Variants in NUP210 observed in about 807,000 individuals in gnomAD.
NUP210 encodes nucleoporin 210.
In NUP210, 151 loss-of-function variants were observed where a neutral mutation model predicts 196.0. The ratio of observed to expected loss-of-function variants is 0.77; its 90% CI spans 0.67 to 0.88. The LOEUF is 0.88. Ranked by LOEUF, NUP210 falls within the 40% of genes least tolerant of loss-of-function variation. The probability of loss-of-function intolerance (pLI) is 0.00; values close to 1 mark genes in which losing one functional copy is unlikely to be tolerated. For missense variants in NUP210, 2,314 were observed against 2,493.7 expected (o/e 0.93, Z 1.53); for synonymous variants, 1,070 against 1,052.7 (o/e 1.02, Z -0.32).
intron 11 of NUP210, among the ~76,000 whole-genome samples, chr3:13,374,486 G>A (rs903039793): frequency 1.2e-4 from 18 of 152,086 alleles, no homozygotes; most frequent in African/African-American, 4.1e-4. Context: ...TATCAGCTAG[G>A]GTCTGGCTAG....
intron 16 of NUP210, among the ~76,000 whole-genome samples, chr3:13,356,782 G>A (rs1004254536): frequency 3.9e-5 from 6 of 152,280 alleles, no homozygotes; most frequent in South Asian, 2.1e-4. Context: ...ATTTTCTGGC[G>A]ACATCTATGA....
chr3:13,322,616 G>T (rs977121598), intron 34 of NUP210, among the ~76,000 whole-genome samples: 1 of 152,246 alleles, frequency 6.6e-6, no homozygotes, highest in African/African-American at 2.4e-5. Flanking sequence ...CGGCAGACGG[G>T]CTAGGCCCAC....
Position 13,316,338 on chromosome 3 carries a change from C to T in NUP210, c.*1343G>A, listed in dbSNP as rs1016329303. 1.3e-5 allele frequency: 2 copies of T among 152,256 alleles called. No homozygotes were observed. Among genetic ancestry groups the T allele is most frequent in the Non-Finnish European group, 2.9e-5 (2 of 68,056 alleles). The allele number at this position is 152,256 out of a possible 1,614,324, so 9.4% of individuals were successfully genotyped here. A position where few individuals can be genotyped will look rare whatever the true frequency, so the allele number is the denominator to read the frequency against. On this transcript the variant is annotated 3_prime_UTR_variant, in exon 40 of 40. Coordinates refer to ENST00000254508, the MANE Select transcript of NUP210 (RefSeq NM_024923.4). ...AAGTAATATGCAAGGCACAATTCTT[C>T]CTTTCTCCAGCTTTAGAAAAATCAA...
chr3:13,379,413 A>G lies in NUP210; in HGVS notation c.976+150T>C, dbSNP rs1263285980. 4.9e-6 allele frequency: 5 copies of G among 1,014,516 alleles called. No individual in the cohort carries two copies. The African/African-American group carries it at 6.4e-5, about 13-fold the overall frequency. The allele number at this position is 1,014,516 out of a possible 1,614,324, so 62.8% of individuals were successfully genotyped here. On this transcript the variant is annotated intron_variant, in intron 7 of 39. Coordinates refer to ENST00000254508, the MANE Select transcript of NUP210 (RefSeq NM_024923.4). This position sits in a 1 kb window ranked among gnomAD's most constrained non-coding sequence, Gnocchi z 4.2. ...CCCACAGCCGTGAGCAATTCCACTCAGCAGTGCTATTTCAGTTCTTTCTGA... is the reference window on the plus strand; with the variant it reads ...CCCACAGCCGTGAGCAATTCCACTCGGCAGTGCTATTTCAGTTCTTTCTGA...
At chr3:13,396,639 A>G (rs1482272736) in intron 3 of NUP210, among the ~76,000 whole-genome samples, 1 of 151,528 alleles carries the variant, frequency 6.6e-6, no homozygotes, top group East Asian at 1.9e-4. Context: ...AGGCACCTCT[A>G]ATCCTAGCTA....
At chr3:13,417,196 C>A (rs1448004122) in intron 1 of NUP210, among the ~76,000 whole-genome samples, 1 of 152,146 alleles carries the variant, frequency 6.6e-6, no homozygotes, top group Non-Finnish European at 1.5e-5. Flanking sequence ...CAGTGTCCAT[C>A]GCTACAAGAC....
chr3:13,414,096 T>C (rs144985449), intron 1 of NUP210, among the ~76,000 whole-genome samples: 123 of 152,254 alleles, frequency 8.1e-4, no homozygotes, highest in African/African-American at 2.8e-3. Context: ...AGGCAGGCCA[T>C]AGGGGAACTC....
At chr3:13,416,159 A>G (rs1024598560) in intron 1 of NUP210, among the ~76,000 whole-genome samples, 8 of 152,298 alleles carry the variant, frequency 5.3e-5, no homozygotes, top group South Asian at 2.1e-4. Flanking sequence ...CCCAGACCAC[A>G]TAAGAGAGGG....
intron 1 of NUP210, among the ~76,000 whole-genome samples, chr3:13,416,636 T>C (rs73813583): frequency 0.22 from 33,679 of 152,192 alleles, 5,844 homozygotes; most frequent in African/African-American, 0.49. Flanking sequence ...CAGCGCCCCC[T>C]TGCTGGAGCA....
At position 13,360,320 on chromosome 3, in the gene NUP210, T is replaced by G. The variant is rs1698327055; in HGVS notation, c.2104A>C (p.Asn702His). ...ACAAGGATCCAGTGTTGCTGATAAT[T>G]CCGGGAGGAATGGGGGGCAAAGAGA... ...LALFAPHSSR[N>H]YQQHWILVTC... is the part of the protein sequence containing the mutation. Residue 702 changes from asparagine to histidine, a missense_variant, in exon 15 of 40, where the codon AAT becomes CAT. Coordinates refer to ENST00000254508, the MANE Select transcript of NUP210 (RefSeq NM_024923.4). 6.2e-7 allele frequency: 1 copy of G among 1,614,202 alleles called. No individual in the cohort carries two copies. Among genetic ancestry groups the G allele is most frequent in the Non-Finnish European group, 8.5e-7 (1 of 1,180,048 alleles).
chr3:13,354,278 C>T (rs758719578), intron 16 of NUP210, 171 bp from the exon 17 acceptor site: 38 of 620,730 alleles, frequency 6.1e-5, no homozygotes, highest in Non-Finnish European at 9.6e-5. Context: ...CCAGGTCCCC[C>T]CATGGCCCTG....
rs552133975 is a variant in NUP210, at chr3:13,327,757, C to G, written c.4287-320G>C. ...GAAAGAGATCCAGAGTGCTTCCTCACGCTCTTCCCACCAGGGAACTGGACA... is the reference window on the plus strand; with the variant it reads ...GAAAGAGATCCAGAGTGCTTCCTCAGGCTCTTCCCACCAGGGAACTGGACA... On this transcript the variant is annotated intron_variant, in intron 31 of 39. Transcript: ENST00000254508. Among the ~76,000 whole-genome samples the G allele has an allele frequency of 2.0e-5, 3 of 152,390 alleles. No homozygotes were observed. The East Asian group carries it at 5.8e-4, about 29-fold the overall frequency.
Position 13,420,289 on chromosome 3 carries a change from C to A in NUP210, c.-63G>T. The A allele has an allele frequency of 1.0e-6, 1 of 986,412 alleles. No homozygotes were observed. Among genetic ancestry groups the A allele is most frequent in the Non-Finnish European group, 1.2e-6 (1 of 824,864 alleles). The allele number at this position is 986,412 out of a possible 1,614,324, so 61.1% of individuals were successfully genotyped here. A position where few individuals can be genotyped will look rare whatever the true frequency, so the allele number is the denominator to read the frequency against. ...CCGCCCGCGCCGCCCCGTTGCCCTC[C>A]GCTCCCGCCCGCGCGCGCGCCAGGC... On this transcript the variant is annotated 5_prime_UTR_variant, in exon 1 of 40. Transcript: ENST00000254508. The surrounding 1 kb of genome is among the most constrained non-coding windows in gnomAD (Gnocchi z 4.8).
intron 20 of NUP210, among the ~76,000 whole-genome samples, chr3:13,346,228 G>T (rs994252146): frequency 1.3e-5 from 2 of 152,196 alleles, no homozygotes; most frequent in African/African-American, 4.8e-5. Flanking sequence ...ATGCTGTAAG[G>T]GCGTGCCCAC....
intron 11 of NUP210, among the ~76,000 whole-genome samples, chr3:13,374,174 C>G (rs1698823427): frequency 6.6e-6 from 1 of 152,112 alleles, no homozygotes; most frequent in Non-Finnish European, 1.5e-5. Flanking sequence ...ATGCTCACCA[C>G]TCACACCCAC....
Position 13,397,344 on chromosome 3 carries a change from G to A in NUP210, c.436+13C>T. 1 of 1,607,782 alleles carries A rather than the reference G, an allele frequency of 6.2e-7. No individual in the cohort carries two copies. Among genetic ancestry groups the A allele is most frequent in the Non-Finnish European group, 8.5e-7 (1 of 1,177,912 alleles). Reference sequence around the variant, plus strand: ...TGGGCTGCAGAAGACAAACAGGCAGGGGACGTTCTCACCTTCGGAGTCCAG... The same window carrying A: ...TGGGCTGCAGAAGACAAACAGGCAGAGGACGTTCTCACCTTCGGAGTCCAG... On this transcript the variant is annotated intron_variant, in intron 3 of 39. Coordinates refer to ENST00000254508, the MANE Select transcript of NUP210 (RefSeq NM_024923.4).
intron 14 of NUP210, among the ~76,000 whole-genome samples, chr3:13,360,988 C>A (rs572580989): frequency 3.3e-5 from 5 of 152,208 alleles, no homozygotes; most frequent in East Asian, 1.9e-4. Context: ...AAGCAGTCTT[C>A]GCAAAGATCT....
At chr3:13,416,681 A>G (rs1354763659) in intron 1 of NUP210, among the ~76,000 whole-genome samples, 2 of 152,210 alleles carry the variant, frequency 1.3e-5, no homozygotes, top group African/African-American at 2.4e-5. Context: ...ACAGGGAAAG[A>G]ATCAATGAGG....
Position 13,351,896 on chromosome 3 carries a change from C to T in NUP210, c.2818G>A (p.Ala940Thr). ...ADVVKVAYQEARGVAMVHPLL... is the reference protein window; with the variant it reads ...ADVVKVAYQETRGVAMVHPLL... Reference sequence around the variant, plus strand: ...AAGCTTACCATGGCGACACCCCTGGCCTCCTGGTAGGCCACCTTGACAACA... The same window carrying T: ...AAGCTTACCATGGCGACACCCCTGGTCTCCTGGTAGGCCACCTTGACAACA... The change falls in exon 20 of 40, where the codon GCC becomes ACC. Residue 940 changes from alanine (A) to threonine (T), a missense_variant. Ala to Thr is a moderately conservative substitution (Grantham distance 58). Transcript: ENST00000254508. 6.2e-7 allele frequency: 1 copy of T among 1,613,612 alleles called. No individual in the cohort carries two copies. Among genetic ancestry groups the T allele is most frequent in the Non-Finnish European group, 8.5e-7 (1 of 1,179,540 alleles).
Sources: gnomAD v4.1 joint callset for allele counts (sites outside exome capture counted in the v4.1 genomes callset) on GRCh38, gnomAD v4.1.1 for gene constraint, Gnocchi (gnomAD v3.1) non-coding constraint, MANE v1.5 for transcripts, NCBI Gene and HGNC (gene_info 2026-07-23, HGNC 2026-07-21) for gene names.